The following COLEC12 variants were observed in gnomAD, a reference collection of about 807,000 sequenced individuals.
COLEC12 encodes collectin-12.
In COLEC12, 33 loss-of-function variants were observed where a neutral mutation model predicts 71.1. The observed-to-expected ratio is 0.46, with a 90% CI of 0.35 to 0.62. COLEC12 has a LOEUF of 0.62. COLEC12 is among the 20% of genes least tolerant of loss of function. The pLI is 0.00. For missense variants in COLEC12, 765 were observed against 916.1 expected (o/e 0.84, Z 2.13); for synonymous variants, 350 against 353.0 (o/e 0.99, Z 0.10).
At chr18:380,522 C>T (rs1401454591) in intron 2 of COLEC12, among the ~76,000 whole-genome samples, 1 of 152,018 alleles carries the variant, frequency 6.6e-6, no homozygotes, top group African/African-American at 2.4e-5. Flanking sequence ...ACAGGAAGTA[C>T]CCCAAATTTG....
chr18:351,114 C>T (rs694372), intron 3 of COLEC12, among the ~76,000 whole-genome samples: 1 of 151,944 alleles, frequency 6.6e-6, no homozygotes. Flanking sequence ...GTAGTAAGTT[C>T]CCATGTGTTT....
At chr18:335,546 A>C (rs1914100393) in intron 5 of COLEC12, among the ~76,000 whole-genome samples, 1 of 152,160 alleles carries the variant, frequency 6.6e-6, no homozygotes, top group Admixed American at 6.5e-5. Flanking sequence ...TGGTGTACTT[A>C]AAGAAGAGGG....
intron 2 of COLEC12, among the ~76,000 whole-genome samples, chr18:391,977 C>T (rs535614317): frequency 2.5e-4 from 38 of 152,108 alleles, no homozygotes; most frequent in Admixed American, 9.8e-4. Context: ...ACAATTCATA[C>T]GTGGCATCAT....
intron 8 of COLEC12, among the ~76,000 whole-genome samples, chr18:323,012 G>A (rs1324056294): frequency 6.6e-6 from 1 of 152,168 alleles, no homozygotes; most frequent in African/African-American, 2.4e-5. Context: ...ATCACCTGAG[G>A]TCAGGAGTTC....
chr18:359,903 T>A (rs534984239), intron 2 of COLEC12, among the ~76,000 whole-genome samples: 14 of 152,354 alleles, frequency 9.2e-5, no homozygotes, highest in Admixed American at 2.6e-4. Context: ...CCTTCTTCAG[T>A]GAAAAGAGTT....
chr18:404,149 A>G (rs1013278320), intron 2 of COLEC12, among the ~76,000 whole-genome samples: 1 of 152,224 alleles, frequency 6.6e-6, no homozygotes, highest in Non-Finnish European at 1.5e-5. Context: ...GATGAACTTC[A>G]GTGACTTCTT....
At chr18:419,152 T>A (rs1916046383) in intron 2 of COLEC12, among the ~76,000 whole-genome samples, 2 of 20,156 alleles carry the variant, frequency 9.9e-5, no homozygotes, top group Non-Finnish European at 1.5e-4. Flanking sequence ...ATCATACTTC[T>A]ATTCTATTCT....
intron 2 of COLEC12, among the ~76,000 whole-genome samples, chr18:375,897 A>G (rs1915103233): frequency 6.6e-6 from 1 of 152,240 alleles, no homozygotes; most frequent in African/African-American, 2.4e-5. Flanking sequence ...CACAGGGTCT[A>G]TACTAAGAAC....
At chr18:353,400 G>A (rs774790149) in intron 3 of COLEC12, among the ~76,000 whole-genome samples, 28 of 152,198 alleles carry the variant, frequency 1.8e-4, no homozygotes, top group Non-Finnish European at 3.1e-4. Flanking sequence ...CAGCTTGTCA[G>A]TGACTATGTG....
intron 2 of COLEC12, among the ~76,000 whole-genome samples, chr18:474,041 G>A (rs1336137398): frequency 6.6e-6 from 1 of 152,184 alleles, no homozygotes; most frequent in Non-Finnish European, 1.5e-5. Flanking sequence ...TTATGAAATT[G>A]TGAAATATAA....
intron 2 of COLEC12, among the ~76,000 whole-genome samples, chr18:416,910 G>A (rs1456647563): frequency 6.6e-6 from 1 of 151,974 alleles, no homozygotes; most frequent in African/African-American, 2.4e-5. Context: ...AGAAGGAAGG[G>A]AAGGGCATTC....
At chr18:393,128 T>C (rs1271359617) in intron 2 of COLEC12, among the ~76,000 whole-genome samples, 2 of 152,224 alleles carry the variant, frequency 1.3e-5, no homozygotes, top group African/African-American at 2.4e-5. Context: ...TCTGGTCCCA[T>C]GTAGAGCTGC....
At position 319,612 on chromosome 18, in the gene COLEC12, G is replaced by T. The variant is rs1376697843; in HGVS notation, c.*433C>A. 5.8e-5 allele frequency: 9 copies of T among 154,662 alleles called. No individual in the cohort carries two copies. 9.6% of individuals were successfully genotyped at this position (154,662 alleles called of 1,614,324 possible). On this transcript the variant is annotated 3_prime_UTR_variant, in exon 10 of 10. Transcript: ENST00000400256. ...AGTATATTTCATATTATTACTAATA[G>T]TTGGCCTATATATCTGTATGTCTGC...
intron 2 of COLEC12, among the ~76,000 whole-genome samples, chr18:443,758 G>A (rs993655252): frequency 1.3e-5 from 2 of 152,188 alleles, no homozygotes; most frequent in African/African-American, 4.8e-5. Flanking sequence ...ATGTTGAAAT[G>A]TAGTCCCCAG....
intron 2 of COLEC12, among the ~76,000 whole-genome samples, chr18:457,809 A>G (rs1217567611): frequency 6.6e-6 from 1 of 152,102 alleles, no homozygotes; most frequent in Non-Finnish European, 1.5e-5. Context: ...TTCATTGCGC[A>G]TTTTTCAAAG....
intron 3 of COLEC12, among the ~76,000 whole-genome samples, chr18:354,892 G>C (rs998835311): frequency 6.6e-6 from 1 of 152,098 alleles, no homozygotes; most frequent in Non-Finnish European, 1.5e-5. Flanking sequence ...TGCCCCCACA[G>C]AGCAGGCCAA....
intron 2 of COLEC12, among the ~76,000 whole-genome samples, chr18:458,396 C>T (rs539910396): frequency 6.6e-6 from 1 of 152,372 alleles, no homozygotes; most frequent in South Asian, 2.1e-4. Context: ...TTTTCCCCAG[C>T]TGAGCTTGCT....
chr18:357,478 C>T lies in COLEC12; in HGVS notation c.103G>A (p.Ala35Thr). The stretch of plus-strand genomic sequence containing the variant: ...AATAATATGATAGAAAACTTCAGTG[C>T]CCAGTTATTTTTACATTTGGTACAT... The part of the protein sequence containing the change: ...TQCTKCKNNW[A>T]LKFSIILLYI... The change falls in exon 3 of 10, where the codon GCA becomes ACA. Residue 35 changes from alanine (A) to threonine (T), a missense_variant. Transcript: ENST00000400256. 1 of 1,592,698 alleles carries T rather than the reference C, an allele frequency of 6.3e-7. No homozygotes were observed. The highest frequency in any genetic ancestry group is 8.6e-7 in the Non-Finnish European group (1 of 1,168,562).
chr18:325,626 C>CAT (rs1567872998), intron 8 of COLEC12, among the ~76,000 whole-genome samples: 4 of 55,946 alleles, frequency 7.1e-5, no homozygotes, highest in African/African-American at 2.5e-4. Flanking sequence ...AAAGGATCAG[C>CAT]CTTTTTTTTT....
Sources: gnomAD v4.1 joint callset for allele counts (sites outside exome capture counted in the v4.1 genomes callset) on GRCh38, gnomAD v4.1.1 for gene constraint, MANE v1.5 for transcripts, NCBI Gene and HGNC (gene_info 2026-07-23, HGNC 2026-07-21) for gene names.